GRAP2: variants seen among roughly 807,000 people sequenced by gnomAD.
The protein encoded by GRAP2 is GRB2 related adaptor protein 2, also known as GRB2-related adapter protein 2.
Under a neutral mutation model 43.5 loss-of-function variants are expected in GRAP2, and 31 were observed. The ratio of observed to expected loss-of-function variants is 0.71; its 90% CI spans 0.54 to 0.96. The LOEUF (loss-of-function observed/expected upper bound fraction) is 0.96, where lower values mean the gene tolerates loss of function less well. GRAP2 is among the 40% of genes least tolerant of loss of function. The pLI is 0.00. For missense variants in GRAP2, 371 were observed against 424.4 expected, an observed-to-expected ratio of 0.87 and a Z score of 1.11; for synonymous variants, 156 against 164.8, an observed-to-expected ratio of 0.95 and a Z score of 0.41.
upstream of GRAP2, among the ~76,000 whole-genome samples, chr22:39,900,801 A>G (rs1221836534): frequency 1.3e-5 from 2 of 152,178 alleles, no homozygotes; most frequent in Non-Finnish European, 2.9e-5. Context: ...AGAAGCCCTA[A>G]TGTTCCTCTG....
rs1190602158 is a variant in GRAP2, at chr22:39,972,591, G to A, written c.*1507G>A. On this transcript the variant is annotated 3_prime_UTR_variant, in exon 8 of 8. Transcript: ENST00000344138. ...CTCTCTTGCTCTAAGGAGGGATGGG[G>A]TTGGGGGCAGCCGTTATTGAAGGTG... The A allele has an allele frequency of 6.6e-6, 1 of 152,194 alleles. No individual in the cohort carries two copies. The highest frequency in any genetic ancestry group is 1.5e-5 in the Non-Finnish European group (1 of 68,040). 9.4% of individuals were successfully genotyped at this position (152,194 alleles called of 1,614,324 possible). A position where few individuals can be genotyped will look rare whatever the true frequency, so the allele number is the denominator to read the frequency against.
chr22:39,950,270 C>T (rs192758309), intron 2 of GRAP2, among the ~76,000 whole-genome samples: 3 of 152,228 alleles, frequency 2.0e-5, no homozygotes, highest in Non-Finnish European at 4.4e-5. Context: ...CAACATTTCA[C>T]ATAAACTTCA....
chr22:39,910,741 T>A (rs1405892202), intron 1 of GRAP2, among the ~76,000 whole-genome samples: 141 of 141,536 alleles, frequency 1.0e-3, no homozygotes, highest in African/African-American at 1.3e-3. Context: ...ACTGTTGATT[T>A]AAAAAAAAAA....
At chr22:39,966,461 C>T (rs767911497) in intron 5 of GRAP2, among the ~76,000 whole-genome samples, 4 of 152,200 alleles carry the variant, frequency 2.6e-5, no homozygotes, top group Non-Finnish European at 5.9e-5. Flanking sequence ...CATCACACTG[C>T]GCTCAGCAAG....
chr22:39,969,279 G>T, intron 6 of GRAP2, 132 bp from the exon 7 acceptor site: 1 of 1,050,630 alleles, frequency 9.5e-7, no homozygotes, highest in Non-Finnish European at 1.4e-6. Flanking sequence ...AACGTGGAGG[G>T]TTTATTGTCA....
intron 1 of GRAP2, among the ~76,000 whole-genome samples, chr22:39,906,269 A>G (rs1248697295): frequency 6.6e-6 from 1 of 152,212 alleles, no homozygotes; most frequent in African/African-American, 2.4e-5. Context: ...TGTCAGATTT[A>G]TAAAAGGCCA....
At chr22:39,916,777 G>T (rs1185379391) in intron 1 of GRAP2, among the ~76,000 whole-genome samples, 2 of 152,136 alleles carry the variant, frequency 1.3e-5, no homozygotes, top group Admixed American at 1.3e-4. Flanking sequence ...CACTTTTTTA[G>T]CACATTAAAA....
At chr22:39,906,276 G>T (rs2066522696) in intron 1 of GRAP2, among the ~76,000 whole-genome samples, 1 of 152,122 alleles carries the variant, frequency 6.6e-6, no homozygotes, top group Non-Finnish European at 1.5e-5. Context: ...TTTATAAAAG[G>T]CCATGGTGGA....
At chr22:39,911,305 A>G (rs2066562982) in intron 1 of GRAP2, among the ~76,000 whole-genome samples, 1 of 152,104 alleles carries the variant, frequency 6.6e-6, no homozygotes, top group Admixed American at 6.5e-5. Context: ...GTATCATTTT[A>G]CACATTATTT....
rs1435574148 is a variant in GRAP2 at position 39,968,047 on chromosome 22, C to T, written c.465C>T (p.His155=). The stretch of plus-strand genomic sequence containing the variant: ...ATCTCTGTTCTTTCTCCCAGGGTCA[C>T]CGGGGCAACAGCCTGGACCGGAGGT... The part of the protein sequence containing the change: ...LRDRTREDQG[H]RGNSLDRRSQ... The change falls in exon 6 of 8, where the codon CAC becomes CAT. Residue 155 remains histidine (H), a synonymous_variant. Coordinates refer to ENST00000344138, the MANE Select transcript of GRAP2 (RefSeq NM_004810.4). 6.2e-7 allele frequency: 1 copy of T among 1,612,428 alleles called. No individual in the cohort carries two copies. The highest frequency in any genetic ancestry group is 2.2e-5 in the East Asian group (1 of 44,840).
At chr22:39,895,915 T>C in the GRAP2 span, among the ~76,000 whole-genome samples, 5 of 152,120 alleles carry the variant, frequency 3.3e-5, no homozygotes, top group African/African-American at 1.2e-4. Flanking sequence ...GAGAAACAAA[T>C]AGATTACAGT....
intron 1 of GRAP2, chr22:39,926,985 G>A (rs749952072): frequency 1.6e-5 from 4 of 253,934 alleles, no homozygotes; most frequent in Non-Finnish European, 2.5e-5. Flanking sequence ...CTCAGCAGAG[G>A]CGGTCACTGG....
chr22:39,947,896 C>T (rs2066940550), intron 2 of GRAP2: 1 of 152,132 alleles, frequency 6.6e-6, no homozygotes, highest in Non-Finnish European at 1.5e-5. Flanking sequence ...GAGCATAAGC[C>T]CTTCAAAAGG....
chr22:39,926,664 G>A (rs535725715), intron 1 of GRAP2: 1 of 985,238 alleles, frequency 1.0e-6, no homozygotes, highest in Non-Finnish European at 1.2e-6. Flanking sequence ...GCTCTCAGGA[G>A]CTGTTTGGAA....
intron 1 of GRAP2, among the ~76,000 whole-genome samples, chr22:39,942,768 C>T (rs1405896841): frequency 2.0e-5 from 3 of 152,148 alleles, no homozygotes; most frequent in Non-Finnish European, 2.9e-5. Flanking sequence ...TCAGCCTGGT[C>T]AACAGAGGAA....
intron 1 of GRAP2, among the ~76,000 whole-genome samples, chr22:39,944,109 A>C (rs907593712): frequency 6.6e-6 from 1 of 151,732 alleles, no homozygotes; most frequent in South Asian, 2.1e-4. Context: ...GCCCCCCACA[A>C]CTCTGTCTAA....
At chr22:39,924,482 A>G (rs958395319) in intron 1 of GRAP2, among the ~76,000 whole-genome samples, 3 of 152,156 alleles carry the variant, frequency 2.0e-5, no homozygotes, top group African/African-American at 2.4e-5. Context: ...GGGTGGATCA[A>G]CTGAGGTCAG....
chr22:39,970,709 C>G (rs2067231452), intron 7 of GRAP2, among the ~76,000 whole-genome samples, 196 bp from the exon 8 acceptor site: 1 of 152,096 alleles, frequency 6.6e-6, no homozygotes, highest in Non-Finnish European at 1.5e-5. Context: ...CTTCTTGAGG[C>G]CAAGGGTTCA....
intron 1 of GRAP2, among the ~76,000 whole-genome samples, chr22:39,943,720 CTT>C (rs531038576): frequency 3.9e-4 from 52 of 134,044 alleles, no homozygotes; most frequent in Admixed American, 5.2e-4. Context: ...TCTTTTCTTT[CTT>C]TTTTTTTTTT....
Sources: allele counts gnomAD v4.1 joint callset (sites outside exome capture counted in the v4.1 genomes callset), GRCh38; gene constraint gnomAD v4.1.1; transcripts MANE v1.5; gene names NCBI Gene and HGNC (gene_info 2026-07-23, HGNC 2026-07-21).